The following DNAJC10 variants were observed in gnomAD, a reference collection of about 807,000 sequenced individuals.
DNAJC10 encodes the protein DnaJ heat shock protein family (Hsp40) member C10, also known as endoplasmic reticulum disulfide reductase DNAJC10.
In DNAJC10, 101 loss-of-function variants were observed where a neutral mutation model predicts 115.0. The ratio of observed to expected loss-of-function variants is 0.88; its 90% confidence interval spans 0.75 to 1.04. The LOEUF is 1.04. DNAJC10 is among the 50% of genes least tolerant of loss of function. The pLI, the probability that DNAJC10 is intolerant of heterozygous loss-of-function variation, is 0.00. For synonymous variants in DNAJC10, 307 were observed against 301.5 expected, an observed-to-expected ratio of 1.02 and a Z score of -0.19; for missense variants, 981 against 928.8, an observed-to-expected ratio of 1.06 and a Z score of -0.73.
chr2:182,788,882 ACT>A lies in DNAJC10; in HGVS notation c.*11753_*11754del. 1.4e-5 allele frequency: 6 copies of A among 442,530 alleles called. No individual in the cohort carries two copies. Among genetic ancestry groups the A allele is most frequent in the Non-Finnish European group, 2.7e-5 (6 of 223,432 alleles). The allele number at this position is 442,530 out of a possible 1,614,324, so 27.4% of individuals were successfully genotyped here. ...AAGGTCATTTTGTGTCTTCTTTAAA[ACT>A]CTTGATTCCTTTTAGAGTTTTTTAA... On this transcript the variant is annotated 3_prime_UTR_variant, in exon 24 of 24. Transcript: ENST00000264065.
At chr2:182,754,758 A>G (rs1219578413) in intron 16 of DNAJC10, 5 of 1,208,560 alleles carry the variant, frequency 4.1e-6, no homozygotes, top group Admixed American at 3.9e-5. Context: ...CAATGTTTCA[A>G]TGCCTATGGT....
At chr2:182,766,165 G>A (rs767961568) in intron 22 of DNAJC10, among the ~76,000 whole-genome samples, 5 of 152,130 alleles carry the variant, frequency 3.3e-5, no homozygotes, top group Non-Finnish European at 5.9e-5. Flanking sequence ...TTGAGCAAGT[G>A]TCAAATGAAA....
At chr2:182,718,762 T>C (rs1467392253) in intron 3 of DNAJC10, among the ~76,000 whole-genome samples, 1 of 152,240 alleles carries the variant, frequency 6.6e-6, no homozygotes, top group Non-Finnish European at 1.5e-5. Context: ...TAGAAAGTTT[T>C]ATAAATTAAT....
intron 23 of DNAJC10, among the ~76,000 whole-genome samples, chr2:182,776,407 T>TA (rs1448277983): frequency 2.0e-5 from 3 of 152,318 alleles, no homozygotes; most frequent in Non-Finnish European, 4.4e-5. Context: ...AAATCGGTGT[T>TA]ACTGTAGATC....
Position 182,736,319 on chromosome 2 carries a change from C to T in DNAJC10, c.920C>T (p.Thr307Ile). The change falls in exon 11 of 24, where the codon ACA (threonine) becomes ATA (isoleucine). Residue 307 changes from threonine (T) to isoleucine (I), a missense_variant. Physicochemically the swap from Thr to Ile is moderately conservative, Grantham distance 89 (BLOSUM62 -1). Coordinates refer to ENST00000264065, the MANE Select transcript of DNAJC10 (RefSeq NM_018981.4). ...AACCTTTGTAAAAGCTTAGATATTA[C>T]AACAAGTACTACTGCTTATTTTCCT... The part of the protein sequence containing the change: ...QDNLCKSLDI[T>I]TSTTAYFPPG... 6.3e-7 allele frequency: 1 copy of T among 1,595,980 alleles called. No individual in the cohort carries two copies. Among genetic ancestry groups the T allele is most frequent in the East Asian group, 2.3e-5 (1 of 43,186 alleles).
At chr2:182,773,549 C>G (rs917283303) in intron 22 of DNAJC10, among the ~76,000 whole-genome samples, 3 of 152,022 alleles carry the variant, frequency 2.0e-5, no homozygotes, top group Non-Finnish European at 4.4e-5. Flanking sequence ...TTTTCTCTAA[C>G]TTTGTCTTCT....
chr2:182,729,246 T>C (rs897250237), intron 7 of DNAJC10: 1 of 334,156 alleles, frequency 3.0e-6, no homozygotes, highest in African/African-American at 2.2e-5. Flanking sequence ...CCTCCTGGGC[T>C]CAAGCAGTTC....
intron 1 of DNAJC10, 66 bp from the exon 2 acceptor site, chr2:182,716,950 C>A (rs1255263522): frequency 6.6e-6 from 1 of 152,188 alleles, no homozygotes; most frequent in African/African-American, 2.4e-5. Context: ...TATGCCCTCT[C>A]TTTTTCTGAT....
Position 182,739,036 on chromosome 2 carries a change from A to G in DNAJC10, c.988-1263A>G, listed in dbSNP as rs369135659. On this transcript the variant is annotated intron_variant, in intron 11 of 23. Coordinates refer to ENST00000264065, the MANE Select transcript of DNAJC10 (RefSeq NM_018981.4). ...TAGGCTGTGTAATAGGCATTTTAGT[A>G]AAAGTCTTCATAGTGAATAGGACTA... 3.4e-4 allele frequency among the ~76,000 whole-genome samples: 51 copies of G among 151,914 alleles called. No individual in the cohort carries two copies. The East Asian group carries it at 3.9e-3, about 12-fold the overall frequency.
At chr2:182,742,044 C>T (rs951387743) in intron 13 of DNAJC10, among the ~76,000 whole-genome samples, 1 of 151,868 alleles carries the variant, frequency 6.6e-6, no homozygotes, top group Non-Finnish European at 1.5e-5. Context: ...ACATGTATAT[C>T]CTCCTTATTC....
Position 182,785,686 on chromosome 2 carries a change from AAAAG to A in DNAJC10, c.*8556_*8559del, listed in dbSNP as rs1186196451. On this transcript the variant is annotated 3_prime_UTR_variant, in exon 24 of 24. Coordinates refer to ENST00000264065, the MANE Select transcript of DNAJC10 (RefSeq NM_018981.4). The stretch of plus-strand genomic sequence containing the variant: ...ATCGTATAGCTTAAAAGGAAAAAGA[AAAAG>A]AGGCTTTTCAGTCATGAGCCAAATG... 4 of 152,306 alleles carry A rather than the reference AAAAG, an allele frequency of 2.6e-5. No individual in the cohort carries two copies. The East Asian group carries it at 7.7e-4, about 29-fold the overall frequency. 9.4% of individuals were successfully genotyped at this position (152,306 alleles called of 1,614,324 possible). A position where few individuals can be genotyped will look rare whatever the true frequency, so the allele number is the denominator to read the frequency against.
At chr2:182,752,940 T>C (rs1438546438) in intron 16 of DNAJC10, among the ~76,000 whole-genome samples, 1 of 152,172 alleles carries the variant, frequency 6.6e-6, no homozygotes, top group African/African-American at 2.4e-5. Context: ...CATTTAGACT[T>C]TGTTTGGATG....
intron 22 of DNAJC10, among the ~76,000 whole-genome samples, chr2:182,773,501 T>A (rs1168239554): frequency 6.6e-6 from 1 of 152,204 alleles, no homozygotes; most frequent in Non-Finnish European, 1.5e-5. Flanking sequence ...CAGAGTCCCA[T>A]ATTTCTTGGA....
At chr2:182,771,309 C>G (rs866499649) in intron 22 of DNAJC10, among the ~76,000 whole-genome samples, 5 of 152,090 alleles carry the variant, frequency 3.3e-5, no homozygotes, top group African/African-American at 1.2e-4. Flanking sequence ...GTGTCTCTGC[C>G]AGGCTTTGGT....
Position 182,784,631 on chromosome 2 carries a change from TATAA to T in DNAJC10, c.*7504_*7507del, listed in dbSNP as rs1426405681. ...ATTCATTGTTTTATGCCTTAAAAAT[TATAA>T]ATAATGATAAGTTTAATTTGCAGCC... On this transcript the variant is annotated 3_prime_UTR_variant, in exon 24 of 24. Transcript: ENST00000264065. 4.6e-5 allele frequency: 7 copies of T among 152,350 alleles called. No homozygotes were observed. Among genetic ancestry groups the T allele is most frequent in the African/African-American group, 1.4e-4 (6 of 41,586 alleles). The allele number at this position is 152,350 out of a possible 1,614,324, so 9.4% of individuals were successfully genotyped here.
At chr2:182,732,007 A>G (rs1288322513) in intron 9 of DNAJC10, among the ~76,000 whole-genome samples, 1 of 152,116 alleles carries the variant, frequency 6.6e-6, no homozygotes, top group Non-Finnish European at 1.5e-5. Context: ...CTGTGATGCT[A>G]TAGCTCTCTT....
intron 7 of DNAJC10, 39 bp from the exon 8 acceptor site, chr2:182,729,809 A>C (rs1693395162): frequency 7.3e-7 from 1 of 1,377,292 alleles, no homozygotes; most frequent in East Asian, 2.3e-5. Context: ...TTTAAAAAGA[A>C]AAAGTAAAAG....
intron 21 of DNAJC10, among the ~76,000 whole-genome samples, chr2:182,759,816 C>T (rs559505573): frequency 1.3e-5 from 2 of 152,078 alleles, no homozygotes; most frequent in Non-Finnish European, 2.9e-5. Context: ...AAAATCTGTG[C>T]AGCTCAGGCC....
chr2:182,771,735 T>G (rs982246657), intron 22 of DNAJC10, among the ~76,000 whole-genome samples: 58 of 152,202 alleles, frequency 3.8e-4, no homozygotes, highest in African/African-American at 1.3e-3. Context: ...TTAGTCTTGT[T>G]AGCAGCCTAT....
Sources: gnomAD v4.1 joint callset for allele counts (sites outside exome capture counted in the v4.1 genomes callset) on GRCh38, gnomAD v4.1.1 for gene constraint, MANE v1.5 for transcripts, NCBI Gene and HGNC (gene_info 2026-07-23, HGNC 2026-07-21) for gene names.